Variants in SNX24 observed in about 807,000 individuals in gnomAD.
The protein encoded by SNX24 is sorting nexin-24.
In SNX24, 22 loss-of-function variants were observed where a neutral mutation model predicts 28.7. The ratio of observed to expected loss-of-function variants is 0.77; its 90% CI spans 0.55 to 1.10. The LOEUF is 1.10. SNX24 is among the 50% of genes least tolerant of loss of function. The pLI is 0.00. For synonymous variants in SNX24, 69 were observed against 71.5 expected (o/e 0.96, Z 0.18); for missense variants, 221 against 201.1 (o/e 1.10, Z -0.60).
At chr5:122,989,094 T>C (rs1394713348) in intron 3 of SNX24, among the ~76,000 whole-genome samples, 3 of 152,332 alleles carry the variant, frequency 2.0e-5, no homozygotes, top group Non-Finnish European at 4.4e-5. Context: ...TATTCTGTTC[T>C]ATGGGCCAAA....
intron 1 of SNX24, among the ~76,000 whole-genome samples, chr5:122,913,820 A>G (rs1758030135): frequency 6.6e-6 from 1 of 152,178 alleles, no homozygotes; most frequent in Non-Finnish European, 1.5e-5. Flanking sequence ...CCTGGGCACC[A>G]TTGAGCACTG....
At chr5:122,973,849 A>T (rs1581818452) in intron 3 of SNX24, among the ~76,000 whole-genome samples, 1 of 152,140 alleles carries the variant, frequency 6.6e-6, no homozygotes, top group East Asian at 1.9e-4. Flanking sequence ...CTTGCTCCAA[A>T]AATCTTAGAG....
At chr5:122,939,758 A>G (rs1455582870) in intron 2 of SNX24, among the ~76,000 whole-genome samples, 1 of 152,214 alleles carries the variant, frequency 6.6e-6, no homozygotes, top group African/African-American at 2.4e-5. Context: ...ATGGAGCCCA[A>G]TAATCTGCAG....
intron 6 of SNX24, among the ~76,000 whole-genome samples, chr5:123,005,361 C>G (rs1284277085): frequency 6.6e-6 from 1 of 152,174 alleles, no homozygotes; most frequent in Non-Finnish European, 1.5e-5. Context: ...CAGCGGGCTG[C>G]TTTGTTCCTT....
intron 1 of SNX24, among the ~76,000 whole-genome samples, chr5:122,860,986 T>G (rs1755433391): frequency 6.6e-6 from 1 of 152,168 alleles, no homozygotes; most frequent in African/African-American, 2.4e-5. Flanking sequence ...TTAGTTTCAC[T>G]CAGGTGGGGT....
At chr5:122,914,146 A>T (rs547899834) in intron 1 of SNX24, among the ~76,000 whole-genome samples, 3 of 152,050 alleles carry the variant, frequency 2.0e-5, no homozygotes, top group South Asian at 2.1e-4. Context: ...AGGGAGAGGG[A>T]GAGGGTCATG....
At chr5:122,859,122 T>G (rs551505101) in intron 1 of SNX24, among the ~76,000 whole-genome samples, 21 of 152,210 alleles carry the variant, frequency 1.4e-4, no homozygotes, top group Non-Finnish European at 2.8e-4. Context: ...CTGGATATTG[T>G]AATCATTGGC....
intron 5 of SNX24, among the ~76,000 whole-genome samples, chr5:123,026,209 T>C (rs1762850906): frequency 6.6e-6 from 1 of 152,166 alleles, no homozygotes; most frequent in Non-Finnish European, 1.5e-5. Flanking sequence ...AGTGGGATAC[T>C]CTCTGGCCTC....
At chr5:122,986,288 C>A (rs1055387647) in intron 3 of SNX24, among the ~76,000 whole-genome samples, 1 of 152,158 alleles carries the variant, frequency 6.6e-6, no homozygotes, top group African/African-American at 2.4e-5. Context: ...GGATCCCAGA[C>A]AAGAAGTCTA....
At chr5:122,936,705 ATAAT>A (rs1759193807) in intron 1 of SNX24, 25 bp from the exon 2 acceptor site, 3 of 1,285,898 alleles carry the variant, frequency 2.3e-6, no homozygotes, top group African/African-American at 2.9e-5. Flanking sequence ...TTGAACTAAT[ATAAT>A]TAATCTTTTA....
chr5:122,879,442 C>G (rs954885922), intron 1 of SNX24, among the ~76,000 whole-genome samples: 7 of 152,288 alleles, frequency 4.6e-5, no homozygotes, highest in Non-Finnish European at 7.3e-5. Context: ...TCTCCAGGCT[C>G]TTGGTTTCAG....
chr5:122,986,476 G>A (rs1581835316), intron 3 of SNX24, among the ~76,000 whole-genome samples: 2 of 152,280 alleles, frequency 1.3e-5, no homozygotes, highest in East Asian at 3.9e-4. Context: ...AACCCAAAGA[G>A]TCACAGAAAA....
intron 1 of SNX24, among the ~76,000 whole-genome samples, chr5:122,903,493 C>G (rs1189380335): frequency 6.6e-6 from 1 of 152,166 alleles, no homozygotes; most frequent in African/African-American, 2.4e-5. Context: ...GTGAACAGGT[C>G]TTTCCCTCCG....
intron 3 of SNX24, among the ~76,000 whole-genome samples, chr5:122,966,854 C>T (rs192297350): frequency 1.3e-5 from 2 of 152,150 alleles, no homozygotes; most frequent in Non-Finnish European, 2.9e-5. Flanking sequence ...TAAAGAGTAG[C>T]TACCATTTTT....
chr5:122,868,390 C>G (rs897957624), intron 1 of SNX24, among the ~76,000 whole-genome samples: 1 of 152,138 alleles, frequency 6.6e-6, no homozygotes, highest in Non-Finnish European at 1.5e-5. Context: ...AGCATTCAGT[C>G]ACTACTAAGA....
At chr5:122,934,294 A>T in intron 1 of SNX24, among the ~76,000 whole-genome samples, 1 of 152,280 alleles carries the variant, frequency 6.6e-6, no homozygotes, top group East Asian at 1.9e-4. Flanking sequence ...GGGACAACAT[A>T]TGTAGGAAAA....
At chr5:122,992,624 G>A (rs537390637) in intron 3 of SNX24, among the ~76,000 whole-genome samples, 25 of 152,204 alleles carry the variant, frequency 1.6e-4, no homozygotes, top group African/African-American at 6.0e-4. Flanking sequence ...AGGTTAATAG[G>A]GGTGCTTTGT....
At chr5:122,895,453 A>G (rs1021896270) in intron 1 of SNX24, among the ~76,000 whole-genome samples, 11 of 152,184 alleles carry the variant, frequency 7.2e-5, no homozygotes, top group Non-Finnish European at 1.6e-4. Flanking sequence ...AATCCACACC[A>G]TTTTGTATCC....
rs1039651604 is a variant in SNX24, at chr5:122,879,953, G to T, written c.60+34260G>T. The stretch of plus-strand genomic sequence containing the variant: ...TTAACAAGTAAGTTAAATTTTAAAA[G>T]AAAATGTTTAGGGTACTTTGAGTCA... On this transcript the variant is annotated intron_variant, in intron 1 of 6. Coordinates refer to ENST00000261369, the MANE Select transcript of SNX24 (RefSeq NM_014035.4). 1.1e-3 allele frequency among the ~76,000 whole-genome samples: 174 copies of T among 152,288 alleles called. 2 individuals are homozygous for T. Among genetic ancestry groups the T allele is most frequent in the Non-Finnish European group, 1.0e-4 (7 of 68,016 alleles).
Sources: gnomAD v4.1 joint callset for allele counts (sites outside exome capture counted in the v4.1 genomes callset) on GRCh38, gnomAD v4.1.1 for gene constraint, MANE v1.5 for transcripts, NCBI Gene and HGNC (gene_info 2026-07-23, HGNC 2026-07-21) for gene names.